Variants in NLGN1 observed in about 807,000 individuals in gnomAD.
The protein encoded by NLGN1 is neuroligin-1.
In NLGN1, 12 loss-of-function variants were observed where a neutral mutation model predicts 65.5. That is an observed-to-expected ratio of 0.18 (90% CI 0.12 to 0.30). NLGN1 has a LOEUF of 0.30. Among genes scored for constraint, NLGN1 ranks in the 10% least tolerant of loss-of-function variants. NLGN1 has a pLI of 1.00. For synonymous variants in NLGN1, 350 were observed against 359.5 expected (o/e 0.97, Z 0.30); for missense variants, 750 against 1,007.1 (o/e 0.74, Z 3.46).
rs927375209 is a variant in NLGN1, at chr3:174,217,345, C to T, written c.647-57970C>T. On this transcript the variant is annotated intron_variant, in intron 4 of 6. Coordinates refer to ENST00000457714, the Ensembl canonical transcript of NLGN1. The stretch of plus-strand genomic sequence containing the variant: ...CCCTATTTCCAAATGAAAACATAAT[C>T]TACAGTAATGGGCTGTCCTAGTCAG... Among the ~76,000 whole-genome samples the T allele has an allele frequency of 1.3e-4, 20 of 152,242 alleles. No homozygotes were observed. The East Asian group carries it at 3.5e-3, about 26-fold the overall frequency.
At chr3:173,819,704 G>T (rs1378250542) in intron 4 of NLGN1, among the ~76,000 whole-genome samples, 1 of 152,062 alleles carries the variant, frequency 6.6e-6, no homozygotes, top group Non-Finnish European at 1.5e-5. Flanking sequence ...ACTTGTTATG[G>T]TTATGTATAT....
intron 4 of NLGN1, among the ~76,000 whole-genome samples, chr3:173,825,289 A>G (rs1721117979): frequency 6.6e-6 from 1 of 152,070 alleles, no homozygotes; most frequent in African/African-American, 2.4e-5. Flanking sequence ...TTATTTTTAA[A>G]AGTAAATTTA....
intron 3 of NLGN1, among the ~76,000 whole-genome samples, chr3:173,749,681 T>C (rs180856145): frequency 1.1e-3 from 163 of 151,950 alleles, no homozygotes; most frequent in African/African-American, 3.6e-3. Flanking sequence ...AAAAAAAAAA[T>C]AATATTAACA....
chr3:173,818,892 G>GCTCTTTTTTTTTTTTTT (rs1719579570), intron 4 of NLGN1, among the ~76,000 whole-genome samples: 1 of 21,316 alleles, frequency 4.7e-5, no homozygotes, highest in African/African-American at 2.7e-4. Flanking sequence ...CCTTTGAATA[G>GCTCTTTTTTTTTTTTTT]TTCTTTTTTT....
chr3:173,625,652 A>G, intron 3 of NLGN1, among the ~76,000 whole-genome samples: 1 of 152,260 alleles, frequency 6.6e-6, no homozygotes, highest in East Asian at 1.9e-4. Context: ...TTAATAATAA[A>G]TTGATATATT....
intron 2 of NLGN1, among the ~76,000 whole-genome samples, chr3:173,558,657 C>G (rs983226534): frequency 1.2e-4 from 19 of 152,164 alleles, no homozygotes; most frequent in Non-Finnish European, 1.3e-4. Flanking sequence ...AACAGAAAAT[C>G]TCTTCATTCA....
intron 3 of NLGN1, among the ~76,000 whole-genome samples, chr3:173,733,834 CA>C (rs1387535689): frequency 6.6e-6 from 1 of 151,808 alleles, no homozygotes; most frequent in African/African-American, 2.4e-5. Flanking sequence ...AAAATTCCTG[CA>C]AAAAAGCATT....
At chr3:173,858,502 A>G (rs188407584) in intron 4 of NLGN1, among the ~76,000 whole-genome samples, 2 of 152,192 alleles carry the variant, frequency 1.3e-5, no homozygotes, top group East Asian at 3.9e-4. Flanking sequence ...GAATTATATT[A>G]GGGTGCCTTG....
At chr3:173,618,947 G>T (rs1239794309) in intron 3 of NLGN1, among the ~76,000 whole-genome samples, 1 of 152,134 alleles carries the variant, frequency 6.6e-6, no homozygotes, top group Non-Finnish European at 1.5e-5. Flanking sequence ...TTCATGGGCT[G>T]GTAGTCTGTG....
chr3:174,130,518 A>G (rs928682587), intron 4 of NLGN1, among the ~76,000 whole-genome samples: 1 of 152,142 alleles, frequency 6.6e-6, no homozygotes, highest in Non-Finnish European at 1.5e-5. Context: ...GTGTAATATA[A>G]TGAAAGAAAG....
intron 1 of NLGN1, among the ~76,000 whole-genome samples, chr3:173,416,670 GAT>G (rs1713860717): frequency 6.6e-6 from 1 of 152,130 alleles, no homozygotes; most frequent in Non-Finnish European, 1.5e-5. Context: ...TTCTTACTTA[GAT>G]ATCATTCCAA....
intron 2 of NLGN1, among the ~76,000 whole-genome samples, chr3:173,486,207 G>A (rs1728152330): frequency 6.6e-6 from 1 of 151,910 alleles, no homozygotes; most frequent in Non-Finnish European, 1.5e-5. Flanking sequence ...ACCACTCCTG[G>A]CTTTTTTATT....
intron 4 of NLGN1, among the ~76,000 whole-genome samples, chr3:174,235,327 C>G (rs907063217): frequency 6.6e-6 from 1 of 152,078 alleles, no homozygotes; most frequent in Non-Finnish European, 1.5e-5. Context: ...AACTTTTCCT[C>G]TTGGCTAAGA....
Position 174,280,643 on chromosome 3 carries a change from C to T in NLGN1, c.1812C>T (p.Asn604=). The T allele has an allele frequency of 1.9e-6, 3 of 1,613,234 alleles. No individual in the cohort carries two copies. The highest frequency in any genetic ancestry group is 2.5e-6 in the Non-Finnish European group (3 of 1,179,502). ...AACATTACAGAGCCAATAAGGTGAACCTCTGGTTGGAGTTGGTACCTCATC... is the reference window on the plus strand; with the variant it reads ...AACATTACAGAGCCAATAAGGTGAATCTCTGGTTGGAGTTGGTACCTCATC... Residue 604 remains asparagine (N), a synonymous_variant, in exon 7 of 7, where the codon AAC becomes AAT. Transcript: ENST00000457714. The surrounding 1 kb of genome is among the most constrained non-coding windows in gnomAD (Gnocchi z 4.9).
intron 3 of NLGN1, among the ~76,000 whole-genome samples, chr3:173,745,521 C>T (rs1228663199): frequency 6.6e-6 from 1 of 151,862 alleles, no homozygotes; most frequent in Admixed American, 6.6e-5. Context: ...GACAAAAGTT[C>T]AAGCAAACTT....
In NLGN1 at chr3:174,035,951, T is replaced by A. The variant is rs1419644124; in HGVS notation, c.646+228119T>A. ...TCTGCACGACCAACCTTATACATTCTGCATTTACAAAATAGACAATATATT... is the reference window on the plus strand; with the variant it reads ...TCTGCACGACCAACCTTATACATTCAGCATTTACAAAATAGACAATATATT... On this transcript the variant is annotated intron_variant, in intron 4 of 6. Transcript: ENST00000457714. Among the ~76,000 whole-genome samples the A allele has an allele frequency of 7.2e-5, 11 of 152,246 alleles. No homozygotes were observed. The South Asian group carries it at 1.7e-3, about 23-fold the overall frequency.
At chr3:173,914,220 C>T (rs1221445068) in intron 4 of NLGN1, among the ~76,000 whole-genome samples, 2 of 152,156 alleles carry the variant, frequency 1.3e-5, no homozygotes, top group Non-Finnish European at 2.9e-5. Flanking sequence ...GAAGTATCCC[C>T]TCCCCCACAT....
chr3:173,529,005 C>G (rs1736104173), intron 2 of NLGN1, among the ~76,000 whole-genome samples: 1 of 152,142 alleles, frequency 6.6e-6, no homozygotes, highest in Non-Finnish European at 1.5e-5. Context: ...TCACAGCATT[C>G]AGATTTTACA....
At chr3:174,259,302 G>C (rs532441107) in intron 4 of NLGN1, among the ~76,000 whole-genome samples, 2 of 152,000 alleles carry the variant, frequency 1.3e-5, no homozygotes, top group African/African-American at 2.4e-5. Context: ...TTCCCACTCA[G>C]ACCCAGCTAT....
Sources: allele counts gnomAD v4.1 joint callset (sites outside exome capture counted in the v4.1 genomes callset), GRCh38; gene constraint gnomAD v4.1.1; non-coding constraint Gnocchi (gnomAD v3.1); transcripts MANE v1.5; gene names NCBI Gene and HGNC (gene_info 2026-07-23, HGNC 2026-07-21).